Variants in PEX14 observed in about 807,000 individuals in gnomAD.
The protein encoded by PEX14 is peroxisomal biogenesis factor 14.
Under a neutral mutation model 49.5 loss-of-function variants are expected in PEX14, and 15 were observed. The observed-to-expected ratio is 0.30, with a 90% CI of 0.20 to 0.47. The LOEUF is 0.47. PEX14 is among the 20% of genes least tolerant of loss of function. The pLI is 1.00. For synonymous variants in PEX14, 210 were observed against 212.7 expected (o/e 0.99, Z 0.11); for missense variants, 398 against 494.8 (o/e 0.80, Z 1.86).
At chr1:10,596,727 G>A (rs1178924910) in intron 3 of PEX14, among the ~76,000 whole-genome samples, 2 of 152,148 alleles carry the variant, frequency 1.3e-5, no homozygotes, top group Non-Finnish European at 2.9e-5. Flanking sequence ...ATAATGGCCC[G>A]GCTCTGAATG....
chr1:10,497,066 A>T (rs1041785064), intron 2 of PEX14, among the ~76,000 whole-genome samples: 2 of 151,880 alleles, frequency 1.3e-5, no homozygotes, highest in African/African-American at 4.8e-5. Context: ...TAAAAGGTAG[A>T]CCCTTTCTCC....
At chr1:10,606,736 C>T (rs1315568240) in intron 4 of PEX14, among the ~76,000 whole-genome samples, 2 of 152,194 alleles carry the variant, frequency 1.3e-5, no homozygotes, top group African/African-American at 4.8e-5. Flanking sequence ...GGCTTCTTCT[C>T]TTGGTCCCAG....
intron 5 of PEX14, among the ~76,000 whole-genome samples, chr1:10,618,672 G>A (rs1053289368): frequency 3.9e-5 from 6 of 152,238 alleles, no homozygotes; most frequent in Admixed American, 2.0e-4. Context: ...TTGCAGGGGC[G>A]TCGTGAGGTC....
chr1:10,509,082 G>C (rs1046982550), intron 2 of PEX14, among the ~76,000 whole-genome samples: 1 of 152,108 alleles, frequency 6.6e-6, no homozygotes, highest in Non-Finnish European at 1.5e-5. Context: ...GACTACAGGC[G>C]CCCGCCGCCA....
intron 2 of PEX14, among the ~76,000 whole-genome samples, chr1:10,497,624 G>C (rs899793773): frequency 6.6e-6 from 1 of 152,144 alleles, no homozygotes; most frequent in African/African-American, 2.4e-5. Flanking sequence ...GTATCATTTG[G>C]TGCAGAGCTG....
rs545562176 is a variant in PEX14, at chr1:10,529,182, C to G, written c.85-7031C>G. On this transcript the variant is annotated intron_variant, in intron 2 of 8. Coordinates refer to ENST00000356607, the MANE Select transcript of PEX14 (RefSeq NM_004565.3). This position sits in a 1 kb window ranked among gnomAD's most constrained non-coding sequence, Gnocchi z 4.2. ...GAAGGAGAAAAACGCTTTTCCTTCT[C>G]AACCTTTCCTAAAAAGGAACTTTGA... Among the ~76,000 whole-genome samples, 2 of 152,350 alleles carry G rather than the reference C, an allele frequency of 1.3e-5. No homozygotes were observed. Among genetic ancestry groups the G allele is most frequent in the African/African-American group, 4.8e-5 (2 of 41,584 alleles).
At chr1:10,546,445 A>C (rs1639173466) in intron 3 of PEX14, among the ~76,000 whole-genome samples, 1 of 151,774 alleles carries the variant, frequency 6.6e-6, no homozygotes, top group African/African-American at 2.4e-5. Flanking sequence ...CTTACCTGTA[A>C]ACCAAGCTAC....
intron 4 of PEX14, among the ~76,000 whole-genome samples, chr1:10,608,662 CA>C (rs1405032420): frequency 7.4e-4 from 28 of 37,872 alleles, no homozygotes; most frequent in African/African-American, 7.2e-4. Context: ...GACTCCGTCT[CA>C]AAAAAAAAAA....
chr1:10,620,597 G>C (rs1259139953), intron 5 of PEX14, among the ~76,000 whole-genome samples: 1 of 152,166 alleles, frequency 6.6e-6, no homozygotes, highest in African/African-American at 2.4e-5. Flanking sequence ...AGACCAGCCT[G>C]GCCAACAAGG....
chr1:10,596,673 T>C (rs1256549259), intron 3 of PEX14, among the ~76,000 whole-genome samples: 3 of 152,178 alleles, frequency 2.0e-5, no homozygotes, highest in Non-Finnish European at 4.4e-5. Flanking sequence ...CTACCCTCCT[T>C]GGGCCTCAGG....
At chr1:10,552,967 A>G (rs956874725) in intron 3 of PEX14, among the ~76,000 whole-genome samples, 1 of 152,240 alleles carries the variant, frequency 6.6e-6, no homozygotes, top group African/African-American at 2.4e-5. Flanking sequence ...TCGAGGAGAC[A>G]GCTTGGAAAG....
intron 4 of PEX14, among the ~76,000 whole-genome samples, chr1:10,603,952 A>T (rs1412832500): frequency 1.3e-5 from 2 of 152,220 alleles, no homozygotes; most frequent in Non-Finnish European, 2.9e-5. Context: ...ATCCTGAGAG[A>T]GAGTGAGTTA....
chr1:10,595,446 A>G (rs1040522339), intron 3 of PEX14, among the ~76,000 whole-genome samples: 19 of 152,192 alleles, frequency 1.2e-4, no homozygotes, highest in African/African-American at 4.6e-4. Flanking sequence ...TGTCAGTGCT[A>G]TAGACTGGGT....
intron 3 of PEX14, among the ~76,000 whole-genome samples, chr1:10,583,254 T>C (rs1298080152): frequency 1.3e-5 from 2 of 150,224 alleles, no homozygotes; most frequent in African/African-American, 4.9e-5. Context: ...GAGTCTTGTT[T>C]TGTCACCCAG....
At chr1:10,594,874 A>T (rs566331421) in intron 3 of PEX14, among the ~76,000 whole-genome samples, 1 of 152,328 alleles carries the variant, frequency 6.6e-6, no homozygotes, top group East Asian at 1.9e-4. Context: ...TTTTATTTGC[A>T]TTTGAACAGA....
intron 3 of PEX14, among the ~76,000 whole-genome samples, chr1:10,536,772 C>T (rs145957844): frequency 3.3e-5 from 5 of 152,210 alleles, no homozygotes; most frequent in East Asian, 3.9e-4. Context: ...CAGATTGAAG[C>T]GGTAAATTAG....
intron 2 of PEX14, among the ~76,000 whole-genome samples, chr1:10,506,462 AGAC>A (rs1210246336): frequency 3.3e-5 from 5 of 152,028 alleles, no homozygotes; most frequent in Non-Finnish European, 7.4e-5. Flanking sequence ...GTATTTTTAG[AGAC>A]GAGGTTTCTG....
chr1:10,547,732 G>C (rs1051629491), intron 3 of PEX14, among the ~76,000 whole-genome samples: 1 of 152,114 alleles, frequency 6.6e-6, no homozygotes, highest in Non-Finnish European at 1.5e-5. Flanking sequence ...ACTGCAAAAA[G>C]CAAAACCACA....
Position 10,623,185 on chromosome 1 carries a change from C to T in PEX14, c.487+64C>T, listed in dbSNP as rs2242289. 49,117 of 994,702 alleles carry T rather than the reference C, an allele frequency of 0.049. 1,894 individuals carry two copies. The highest frequency in any genetic ancestry group is 0.13 in the South Asian group (9,817 of 74,118). 61.6% of individuals were successfully genotyped at this position (994,702 alleles called of 1,614,324 possible). Reference sequence around the variant, plus strand: ...CTTCTCCAAGCAGCCCCTTCTCTGCCCCTCCCCTCTCCCTCTGTCTCCACT... The same window carrying T: ...CTTCTCCAAGCAGCCCCTTCTCTGCTCCTCCCCTCTCCCTCTGTCTCCACT... On this transcript the variant is annotated intron_variant, in intron 6 of 8. Coordinates refer to ENST00000356607, the MANE Select transcript of PEX14 (RefSeq NM_004565.3). This position sits in a 1 kb window ranked among gnomAD's most constrained non-coding sequence, Gnocchi z 4.4.
Sources: gnomAD v4.1 joint callset for allele counts (sites outside exome capture counted in the v4.1 genomes callset) on GRCh38, gnomAD v4.1.1 for gene constraint, Gnocchi (gnomAD v3.1) non-coding constraint, MANE v1.5 for transcripts, NCBI Gene and HGNC (gene_info 2026-07-23, HGNC 2026-07-21) for gene names.